The following TLN2 variants were observed in gnomAD, a reference collection of about 807,000 sequenced individuals.
TLN2 encodes talin-2.
A neutral mutation model predicts 294.7 loss-of-function variants in TLN2; 118 were observed. The ratio of observed to expected loss-of-function variants is 0.40; its 90% CI spans 0.34 to 0.47. The LOEUF (loss-of-function observed/expected upper bound fraction) is 0.47, where lower values mean the gene tolerates loss of function less well. Ranked by LOEUF, TLN2 falls within the 20% of genes least tolerant of loss-of-function variation. The pLI, the probability that TLN2 is intolerant of heterozygous loss-of-function variation, is 0.84. For missense variants in TLN2, 3,083 were observed against 3,282.2 expected, an observed-to-expected ratio of 0.94 and a Z score of 1.48; for synonymous variants, 1,431 against 1,304.5, an observed-to-expected ratio of 1.10 and a Z score of -2.09.
chr15:62,471,441 G>A (rs2037467664), intron 1 of TLN2, among the ~76,000 whole-genome samples: 1 of 152,312 alleles, frequency 6.6e-6, no homozygotes, highest in East Asian at 1.9e-4. Flanking sequence ...TTTGAAATAA[G>A]CTATAACCTG....
Position 62,443,331 on chromosome 15 carries a change from C to T in TLN2, c.-238+52646C>T, listed in dbSNP as rs139350036. ...TTTTGTGCCCTTCCTGCTTCCTTAA[C>T]TGGTTCTAATATAAAACTTTAATTT... is the stretch of plus-strand genomic sequence containing the variant. On this transcript the variant is annotated intron_variant, in intron 1 of 58. Transcript: ENST00000636159. 6.2e-4 allele frequency among the ~76,000 whole-genome samples: 95 copies of T among 152,336 alleles called. 2 individuals are homozygous for T. In the East Asian group the frequency reaches 0.012, roughly 19 times the overall value.
intron 9 of TLN2, among the ~76,000 whole-genome samples, chr15:62,665,060 C>G (rs1035648360): frequency 6.6e-6 from 1 of 151,986 alleles, no homozygotes; most frequent in Non-Finnish European, 1.5e-5. Context: ...ATGTTTCACA[C>G]TCAACTATTT....
At chr15:62,626,218 A>G (rs924616503) in intron 3 of TLN2, among the ~76,000 whole-genome samples, 4 of 152,228 alleles carry the variant, frequency 2.6e-5, no homozygotes, top group African/African-American at 9.6e-5. Flanking sequence ...TTTATAGGTC[A>G]CCAATTCTAT....
chr15:62,739,361 C>T lies in TLN2; in HGVS notation c.3701C>T (p.Thr1234Met), dbSNP rs762239795. 15 of 1,613,414 alleles carry T rather than the reference C, an allele frequency of 9.3e-6. No individual in the cohort carries two copies. The highest frequency in any genetic ancestry group is 7.7e-5 in the South Asian group (7 of 90,978). Residue 1234 changes from threonine (T) to methionine (M), a missense_variant, in exon 31 of 59, where the codon ACG becomes ATG. Coordinates refer to ENST00000636159, the MANE Select transcript of TLN2 (RefSeq NM_015059.3). ...TGTTCCCCACAGCTACCTCCAAGCA[C>T]GAAGCCTTTCCAGGAAGCCCAGAGT... ...KLLVDSLPPS[T>M]KPFQEAQSEL...
rs2062725558 is a variant in TLN2, at chr15:62,762,294, T to C, written c.4802T>C (p.Ile1601Thr). ...CAGGGTTCCCAGGCACAGGAACCAA[T>C]CCTGGTCTCAGCCAAGACCATGCTG... Reference protein sequence around the residue: ...SSEGSQAQEPILVSAKTMLES... With the variant: ...SSEGSQAQEPTLVSAKTMLES... The change falls in exon 39 of 59, where the codon ATC (isoleucine) becomes ACC (threonine). Residue 1601 changes from isoleucine to threonine, a missense_variant. By Grantham distance (89) the Ile-to-Thr change is moderately conservative. Coordinates refer to ENST00000636159, the MANE Select transcript of TLN2 (RefSeq NM_015059.3). The C allele has an allele frequency of 6.2e-7, 1 of 1,614,196 alleles. No individual in the cohort carries two copies. The highest frequency in any genetic ancestry group is 8.5e-7 in the Non-Finnish European group (1 of 1,180,042).
intron 58 of TLN2, among the ~76,000 whole-genome samples, chr15:62,840,040 C>T (rs7171114): frequency 0.017 from 2,605 of 152,256 alleles, 82 homozygotes; most frequent in African/African-American, 0.06. Context: ...TCCAGGGCTC[C>T]GCTTTAGCCT....
At chr15:62,648,301 G>A (rs886943773) in intron 4 of TLN2, among the ~76,000 whole-genome samples, 3 of 147,938 alleles carry the variant, frequency 2.0e-5, no homozygotes, top group Non-Finnish European at 4.5e-5. Flanking sequence ...TGTGCCTGTA[G>A]TCTCAGGGCA....
intron 27 of TLN2, among the ~76,000 whole-genome samples, chr15:62,726,442 T>A (rs1287629609): frequency 6.6e-6 from 1 of 152,222 alleles, no homozygotes; most frequent in African/African-American, 2.4e-5. Flanking sequence ...AGGCCTTTAC[T>A]GACTTCGTTC....
At chr15:62,712,757 T>C (rs1325131018) in intron 22 of TLN2, among the ~76,000 whole-genome samples, 3 of 152,148 alleles carry the variant, frequency 2.0e-5, no homozygotes, top group African/African-American at 7.2e-5. Context: ...CGTGCGTGCA[T>C]GTGTTTAAGT....
intron 1 of TLN2, among the ~76,000 whole-genome samples, chr15:62,444,960 G>A (rs374867756): frequency 1.3e-5 from 2 of 152,146 alleles, no homozygotes; most frequent in South Asian, 4.1e-4. Flanking sequence ...TGAACTAAAA[G>A]TACAAAGAAC....
chr15:62,396,790 C>T (rs1436416387), intron 1 of TLN2, among the ~76,000 whole-genome samples: 1 of 152,016 alleles, frequency 6.6e-6, no homozygotes, highest in Non-Finnish European at 1.5e-5. Context: ...CTGCAACCTC[C>T]ACCTCCTGGG....
At chr15:62,688,222 G>C (rs1270754899) in intron 12 of TLN2, among the ~76,000 whole-genome samples, 1 of 152,134 alleles carries the variant, frequency 6.6e-6, no homozygotes, top group Non-Finnish European at 1.5e-5. Context: ...TTTGATTAAA[G>C]CATAACGTCA....
At chr15:62,673,597 TG>T (rs2055767212) in intron 9 of TLN2, among the ~76,000 whole-genome samples, 1 of 149,404 alleles carries the variant, frequency 6.7e-6, no homozygotes, top group Non-Finnish European at 1.5e-5. Flanking sequence ...CAATAGATCC[TG>T]GAATTTCTTT....
intron 55 of TLN2, chr15:62,834,228 G>A (rs2141251797): frequency 6.6e-6 from 1 of 152,210 alleles, no homozygotes; most frequent in East Asian, 1.9e-4. Context: ...AGTAATTCTG[G>A]ATATGGAACA....
intron 1 of TLN2, among the ~76,000 whole-genome samples, chr15:62,508,995 T>C (rs116771996): frequency 5.6e-4 from 85 of 152,372 alleles, no homozygotes; most frequent in African/African-American, 2.0e-3. Flanking sequence ...TTTACTTATT[T>C]AGCTTCCTAA....
intron 43 of TLN2, among the ~76,000 whole-genome samples, chr15:62,779,897 C>T (rs999283203): frequency 6.6e-6 from 1 of 152,250 alleles, no homozygotes; most frequent in African/African-American, 2.4e-5. Context: ...TGATGCCTTC[C>T]TTTCACTCAC....
At chr15:62,652,278 C>G in intron 6 of TLN2, 144 bp downstream of exon 6, 1 of 855,942 alleles carries the variant, frequency 1.2e-6, no homozygotes, top group Non-Finnish European at 1.6e-6. Flanking sequence ...GAGGGTGTGT[C>G]CATTCTCCCA....
chr15:62,617,945 T>G (rs1384252111), intron 2 of TLN2, among the ~76,000 whole-genome samples: 1 of 151,788 alleles, frequency 6.6e-6, no homozygotes, highest in Non-Finnish European at 1.5e-5. Context: ...TCCAAGTGAT[T>G]CATCATTCAG....
In TLN2 at chr15:62,694,350, A is replaced by G. The variant is rs370693887; in HGVS notation, c.1250A>G (p.Asp417Gly). The G allele has an allele frequency of 1.4e-4, 225 of 1,613,992 alleles. No homozygotes were observed. Among genetic ancestry groups the G allele is most frequent in the Non-Finnish European group, 1.9e-4 (224 of 1,180,002 alleles). ...AAAGATCGATTTGGACTAGAAGGTG[A>G]TGAGGAGTCAACCATGTTAGAAGAG... ...QSKDRFGLEG[D>G]EESTMLEESV... The change falls in exon 14 of 59, where the codon GAT (aspartate) becomes GGT (glycine). Residue 417 changes from aspartate to glycine, a missense_variant. Coordinates refer to ENST00000636159, the MANE Select transcript of TLN2 (RefSeq NM_015059.3).
Sources: allele counts gnomAD v4.1 joint callset (sites outside exome capture counted in the v4.1 genomes callset), GRCh38; gene constraint gnomAD v4.1.1; transcripts MANE v1.5; gene names NCBI Gene and HGNC (gene_info 2026-07-23, HGNC 2026-07-21).